Variants in TAFA2 observed in about 807,000 individuals in gnomAD.
The protein encoded by TAFA2 is TAFA chemokine like family member 2.
In TAFA2, 7 loss-of-function variants were observed where a neutral mutation model predicts 18.8. That is an observed-to-expected ratio of 0.37 (90% CI 0.21 to 0.70). TAFA2 has a LOEUF of 0.70. TAFA2 is among the 30% of genes least tolerant of loss of function. The probability of loss-of-function intolerance (pLI) is 0.53; values close to 1 mark genes in which losing one functional copy is unlikely to be tolerated. For missense variants in TAFA2, 122 were observed against 158.1 expected, an observed-to-expected ratio of 0.77 and a Z score of 1.23; for synonymous variants, 60 against 54.2, an observed-to-expected ratio of 1.11 and a Z score of -0.47.
chr12:61,930,453 C>G (rs555860306), intron 1 of TAFA2, among the ~76,000 whole-genome samples: 2 of 152,312 alleles, frequency 1.3e-5, no homozygotes, highest in South Asian at 4.1e-4. Flanking sequence ...AAAAACTTTA[C>G]ATGGATTGTC....
In TAFA2 at chr12:61,728,802, AT is replaced by A. The variant is rs56095133; in HGVS notation, c.385-18386del. On this transcript the variant is annotated intron_variant, in intron 4 of 4. Transcript: ENST00000416284. ...TGCTAGTTGGTGTCCCAATACCTTG[AT>A]TTTTTTTTCATTGTATTATTGTTTT... Among the ~76,000 whole-genome samples the A allele has an allele frequency of 1.1e-3, 170 of 150,892 alleles. No homozygotes were observed. The East Asian group carries it at 0.015, about 13-fold the overall frequency.
intron 4 of TAFA2, among the ~76,000 whole-genome samples, chr12:61,715,157 C>T (rs540114309): frequency 4.6e-5 from 7 of 152,058 alleles, no homozygotes; most frequent in Admixed American, 6.6e-5. Flanking sequence ...TATTGGAGGG[C>T]GGTATTACTT....
At chr12:62,250,493 T>C (rs2062907801) in intron 1 of TAFA2, among the ~76,000 whole-genome samples, 1 of 152,148 alleles carries the variant, frequency 6.6e-6, no homozygotes, top group African/African-American at 2.4e-5. Context: ...TCTGTACATA[T>C]AGATGTGTGT....
intron 1 of TAFA2, among the ~76,000 whole-genome samples, chr12:61,902,429 T>G (rs896546311): frequency 6.6e-6 from 1 of 152,186 alleles, no homozygotes; most frequent in East Asian, 1.9e-4. Context: ...GTCTGCCTCT[T>G]CCTGGCCTCT....
In TAFA2 at chr12:62,229,624, T is replaced by C. The variant is rs192073689; in HGVS notation, c.-130+29139A>G. Among the ~76,000 whole-genome samples the C allele has an allele frequency of 5.2e-4, 79 of 152,260 alleles. No individual in the cohort carries two copies. The East Asian group carries it at 0.011, about 22-fold the overall frequency. ...TTGTATTTGGTTGCTAGTATTTTGT[T>C]CAGGATTTCTACATCTATGTCCATC... On this transcript the variant is annotated intron_variant, in intron 1 of 5. Coordinates refer to the TAFA2 transcript ENST00000551619.
At chr12:62,138,909 T>G (rs544767770) in intron 1 of TAFA2, among the ~76,000 whole-genome samples, 1 of 152,324 alleles carries the variant, frequency 6.6e-6, no homozygotes, top group Admixed American at 6.5e-5. Context: ...TTATCCTTAG[T>G]TAAATAATAA....
chr12:61,969,981 G>C (rs74725700), intron 1 of TAFA2, among the ~76,000 whole-genome samples: 7 of 151,650 alleles, frequency 4.6e-5, no homozygotes, highest in Non-Finnish European at 1.0e-4. Flanking sequence ...AGGAAATACG[G>C]TTGGACTATT....
intron 1 of TAFA2, among the ~76,000 whole-genome samples, chr12:61,998,008 C>T: frequency 6.6e-6 from 1 of 151,996 alleles, no homozygotes; most frequent in East Asian, 1.9e-4. Context: ...CAGTTCCAAT[C>T]TGCAGGAAAT....
intron 1 of TAFA2, among the ~76,000 whole-genome samples, chr12:61,983,882 G>A (rs1423586777): frequency 6.6e-6 from 1 of 152,002 alleles, no homozygotes; most frequent in African/African-American, 2.4e-5. Flanking sequence ...ACTGTTCTGT[G>A]ACTACACCAA....
intron 2 of TAFA2, among the ~76,000 whole-genome samples, chr12:61,762,118 C>G (rs759638602): frequency 2.0e-4 from 31 of 152,074 alleles, no homozygotes; most frequent in Non-Finnish European, 3.8e-4. Flanking sequence ...TGCTGTACAT[C>G]CTGTAGAACC....
intron 1 of TAFA2, among the ~76,000 whole-genome samples, chr12:62,045,244 CT>C (rs1380497751): frequency 2.0e-5 from 3 of 152,132 alleles, no homozygotes; most frequent in East Asian, 1.9e-4. Flanking sequence ...TCATTTCCAA[CT>C]TTTTTTATGC....
chr12:62,124,358 T>C (rs954174486), intron 1 of TAFA2, among the ~76,000 whole-genome samples: 2 of 151,756 alleles, frequency 1.3e-5, no homozygotes, highest in African/African-American at 4.8e-5. Flanking sequence ...AAGCTGTTGA[T>C]AACATCACTG....
intron 1 of TAFA2, among the ~76,000 whole-genome samples, chr12:62,188,147 A>C (rs1301022362): frequency 1.3e-5 from 2 of 152,148 alleles, no homozygotes; most frequent in African/African-American, 4.8e-5. Flanking sequence ...CCTACTAATA[A>C]CAGGTTGATG....
intron 1 of TAFA2, among the ~76,000 whole-genome samples, chr12:62,148,624 A>G (rs1398267830): frequency 6.6e-6 from 1 of 152,222 alleles, no homozygotes; most frequent in African/African-American, 2.4e-5. Flanking sequence ...CAGGAACATT[A>G]GAAGCCCAAA....
chr12:62,077,208 A>T (rs1325727508), intron 1 of TAFA2, among the ~76,000 whole-genome samples: 1 of 152,212 alleles, frequency 6.6e-6, no homozygotes, highest in Non-Finnish European at 1.5e-5. Flanking sequence ...GTGTAGAGAC[A>T]CTTCTTTCAA....
At chr12:62,228,631 TTATAG>T (rs1195188651) in intron 1 of TAFA2, among the ~76,000 whole-genome samples, 5 of 152,212 alleles carry the variant, frequency 3.3e-5, no homozygotes, top group Admixed American at 2.0e-4. Context: ...ACCTCTCTGA[TTATAG>T]TATATTTTGA....
At chr12:61,881,528 A>T (rs1260411350) in intron 1 of TAFA2, among the ~76,000 whole-genome samples, 1 of 152,296 alleles carries the variant, frequency 6.6e-6, no homozygotes, top group East Asian at 1.9e-4. Flanking sequence ...AAAACATTGT[A>T]TGCAGCCTAT....
At chr12:62,230,182 A>ATT (rs58892977) in intron 1 of TAFA2, among the ~76,000 whole-genome samples, 31 of 125,144 alleles carry the variant, frequency 2.5e-4, no homozygotes, top group African/African-American at 5.2e-4. Context: ...CTTTTAATTG[A>ATT]TTTTTTTTGG....
intron 3 of TAFA2, among the ~76,000 whole-genome samples, chr12:61,754,286 T>G (rs7979124): frequency 0.37 from 56,751 of 151,710 alleles, 10,826 homozygotes; most frequent in African/African-American, 0.46. Context: ...CAATATATTA[T>G]AGTAATATGA....
Sources: gnomAD v4.1 joint callset for allele counts (sites outside exome capture counted in the v4.1 genomes callset) on GRCh38, gnomAD v4.1.1 for gene constraint, MANE v1.5 for transcripts, NCBI Gene and HGNC (gene_info 2026-07-23, HGNC 2026-07-21) for gene names.